Variants in ASL observed in about 807,000 individuals in gnomAD.
ASL encodes the protein argininosuccinate lyase, also known as argininosuccinase.
A neutral mutation model predicts 69.1 loss-of-function variants in ASL; 51 were observed. That is an observed-to-expected ratio of 0.74 (90% confidence interval 0.59 to 0.93). The LOEUF (loss-of-function observed/expected upper bound fraction) is 0.93, where lower values mean the gene tolerates loss of function less well. ASL is among the 40% of genes least tolerant of loss of function. ASL has a pLI of 0.00. For missense variants in ASL, 540 were observed against 623.9 expected (o/e 0.87, Z 1.43); for synonymous variants, 241 against 247.6 (o/e 0.97, Z 0.25).
Position 66,081,889 on chromosome 7 carries a change from C to T in ASL, c.99C>T (p.His33=), listed in dbSNP as rs142077823. The T allele has an allele frequency of 6.2e-7, 1 of 1,613,964 alleles. No individual in the cohort carries two copies. The highest frequency in any genetic ancestry group is 8.5e-7 in the Non-Finnish European group (1 of 1,180,024). The change falls in exon 3 of 17, where the codon CAC becomes CAT. Residue 33 remains histidine (H), a synonymous_variant. Transcript: ENST00000304874. ...KFNASIAYDR[H]LWEVDVQGSK... is the part of the protein sequence containing the mutation. ...ACGCGTCCATTGCCTACGACCGGCA[C>T]CTTTGGGAGGTGGATGTTCAAGGCA...
At chr7:66,091,133 G>A (rs1008442088) in intron 14 of ASL, among the ~76,000 whole-genome samples, 1 of 151,134 alleles carries the variant, frequency 6.6e-6, no homozygotes, top group South Asian at 2.1e-4. Context: ...AGTGTTTCTG[G>A]AGGCTAGTCC....
Position 66,089,343 on chromosome 7 carries a change from G to A in ASL, c.978+8G>A. ...TACAACAAAGACTTACAGGTGCGAG[G>A]CCGGGGGAGGCCTGGCTAGTACGTG... On this transcript the variant is annotated splice_region_variant and intron_variant, in intron 13 of 16. Coordinates refer to ENST00000304874, the MANE Select transcript of ASL (RefSeq NM_000048.4). 6.3e-7 allele frequency: 1 copy of A among 1,599,064 alleles called. No homozygotes were observed. Among genetic ancestry groups the A allele is most frequent in the Non-Finnish European group, 8.5e-7 (1 of 1,172,454 alleles).
At position 66,092,886 on chromosome 7, in the gene ASL, G is replaced by T; in HGVS notation, c.1369G>T (p.Ala457Ser). The T allele has an allele frequency of 6.2e-7, 1 of 1,610,426 alleles. No homozygotes were observed. The highest frequency in any genetic ancestry group is 8.5e-7 in the Non-Finnish European group (1 of 1,179,896). ...SVDWQIRQVR[A>S]LLQAQQA ...CGACTGGCAGATCCGCCAGGTGCGG[G>T]CGCTACTGCAGGCACAGCAGGCCTA... is the stretch of plus-strand genomic sequence containing the variant. The change falls in exon 17 of 17, where the codon GCG becomes TCG. Residue 457 changes from alanine to serine, a missense_variant. Coordinates refer to ENST00000304874, the MANE Select transcript of ASL (RefSeq NM_000048.4).
rs765381051 is a variant in ASL at position 66,087,308 on chromosome 7, G to C, written c.603-26G>C. 3 of 1,598,722 alleles carry C rather than the reference G, an allele frequency of 1.9e-6. No individual in the cohort carries two copies. In the African/African-American group the frequency reaches 4.0e-5, roughly 21 times the overall value. Reference sequence around the variant, plus strand: ...TCAGGGCTGCCTGCCAGGAGCCCTGGTCACCATGAATCCCTGTCCCTGCAG... The same window carrying C: ...TCAGGGCTGCCTGCCAGGAGCCCTGCTCACCATGAATCCCTGTCCCTGCAG... On this transcript the variant is annotated intron_variant, in intron 8 of 16. Transcript: ENST00000304874.
At position 66,085,765 on chromosome 7, in the gene ASL, C is replaced by T. The variant is rs564691047; in HGVS notation, c.447-820C>T. Among the ~76,000 whole-genome samples the T allele has an allele frequency of 1.4e-4, 21 of 152,204 alleles. No homozygotes were observed. The South Asian group carries it at 3.5e-3, about 26-fold the overall frequency. On this transcript the variant is annotated intron_variant, in intron 6 of 16. Coordinates refer to ENST00000304874, the MANE Select transcript of ASL (RefSeq NM_000048.4). ...CTGGAACTACAGGCGCCCACCACTACGCCCGGCTAATTTTTTGTATTTTTA... is the reference window on the plus strand; with the variant it reads ...CTGGAACTACAGGCGCCCACCACTATGCCCGGCTAATTTTTTGTATTTTTA...
chr7:66,086,584 G>A lies in ASL; in HGVS notation c.447-1G>A, dbSNP rs778254333. The stretch of plus-strand genomic sequence containing the variant: ...GAGCTTCTGCTCCTCCTCTCCCACA[G>A]GGAACGTGATGTTCTCTTCCCGGGG... On this transcript the variant is annotated splice_acceptor_variant, in intron 6 of 16. Coordinates refer to ENST00000304874, the MANE Select transcript of ASL (RefSeq NM_000048.4). LOFTEE classifies it high-confidence loss of function. 20 of 1,613,478 alleles carry A rather than the reference G, an allele frequency of 1.2e-5. No individual in the cohort carries two copies. Among genetic ancestry groups the A allele is most frequent in the Admixed American group, 1.7e-5 (1 of 59,986 alleles).
At chr7:66,080,592 A>T (rs983196916) in intron 2 of ASL, among the ~76,000 whole-genome samples, 2 of 150,260 alleles carry the variant, frequency 1.3e-5, no homozygotes, top group African/African-American at 2.5e-5. Flanking sequence ...GTGTGGTGGC[A>T]CACGCCTGAA....
chr7:66,092,714 G>A, intron 16 of ASL, 51 bp downstream of exon 16: 1 of 1,613,690 alleles, frequency 6.2e-7, no homozygotes, highest in Non-Finnish European at 8.5e-7. Flanking sequence ...GAGCCTGGGT[G>A]CCTGGAGCCC....
Position 66,081,864 on chromosome 7 carries a change from A to G in ASL, c.74A>G (p.Asn25Ser), listed in dbSNP as rs1048954249. 8 of 1,613,962 alleles carry G rather than the reference A, an allele frequency of 5.0e-6. No individual in the cohort carries two copies. The Admixed American group carries it at 6.7e-5, about 13-fold the overall frequency. Reference sequence around the variant, plus strand: ...GTGGACCCCATCATGGAGAAGTTCAACGCGTCCATTGCCTACGACCGGCAC... The same window carrying G: ...GTGGACCCCATCATGGAGAAGTTCAGCGCGTCCATTGCCTACGACCGGCAC... ...GAVDPIMEKF[N>S]ASIAYDRHLW... The change falls in exon 3 of 17, where the codon AAC becomes AGC. Residue 25 changes from asparagine to serine, a missense_variant. Coordinates refer to ENST00000304874, the MANE Select transcript of ASL (RefSeq NM_000048.4).
At chr7:66,089,023 A>T in intron 11 of ASL, 68 bp from the exon 12 acceptor site, 2 of 1,609,920 alleles carry the variant, frequency 1.2e-6, no homozygotes, top group South Asian at 2.2e-5. Flanking sequence ...CCTCCGCCAG[A>T]CCTGGCCATT....
rs199891488 is a variant in ASL at position 66,092,044 on chromosome 7, C to T, written c.1101C>T (p.Asp367=). The change falls in exon 15 of 17, where the codon GAC becomes GAT. Residue 367 remains aspartate (D), a synonymous_variant. Transcript: ENST00000304874. The part of the protein sequence containing the change: ...QENMGQALSP[D]MLATDLAYYL... ...ACATGGGACAGGCTCTCAGCCCCGA[C>T]ATGCTGGCCACTGACCTTGCCTATT... The T allele has an allele frequency of 6.8e-6, 11 of 1,613,538 alleles. No homozygotes were observed. In the African/African-American group the frequency reaches 9.3e-5, roughly 14 times the overall value.
chr7:66,089,750 C>T (rs1786791615), intron 14 of ASL, 55 bp downstream of exon 14: 3 of 1,584,182 alleles, frequency 1.9e-6, no homozygotes, highest in Non-Finnish European at 2.6e-6. Context: ...CTGGGGTGGG[C>T]ATGCGGGGAG....
intron 14 of ASL, 91 bp from the exon 15 acceptor site, chr7:66,091,915 G>A: frequency 7.5e-7 from 1 of 1,325,840 alleles, no homozygotes; most frequent in Admixed American, 1.7e-5. Context: ...GCCCAAGGCA[G>A]GGATGTCCTG....
At chr7:66,092,727 G>A in intron 16 of ASL, 41 bp from the exon 17 acceptor site, 1 of 1,613,678 alleles carries the variant, frequency 6.2e-7, no homozygotes, top group Non-Finnish European at 8.5e-7. Flanking sequence ...TGGAGCCCAG[G>A]GTGGCCTGGC....
chr7:66,079,172 C>T (rs1027023368), intron 2 of ASL, among the ~76,000 whole-genome samples: 1 of 152,158 alleles, frequency 6.6e-6, no homozygotes, highest in African/African-American at 2.4e-5. Context: ...CCACCTCAGC[C>T]TCCCAAAGTG....
intron 14 of ASL, 21 bp downstream of exon 14, chr7:66,089,716 T>C: frequency 1.2e-6 from 2 of 1,612,074 alleles, no homozygotes; most frequent in Non-Finnish European, 1.7e-6. Context: ...ACCCCCCTGC[T>C]TCTCCTCCCC....
rs143753787 is a variant in ASL at position 66,088,094 on chromosome 7, G to A, written c.718+303G>A. 0.015 allele frequency among the ~76,000 whole-genome samples: 2,287 copies of A among 152,160 alleles called. 63 individuals carry two copies. Among genetic ancestry groups the A allele is most frequent in the East Asian group, 0.093 (479 of 5,174 alleles). On this transcript the variant is annotated intron_variant, in intron 10 of 16. Coordinates refer to ENST00000304874, the MANE Select transcript of ASL (RefSeq NM_000048.4). ...GCCAGAGAATCACTTGAACCCAGGAGGCGGAGGCTGCAGTGAGCCAAGATC... is the reference window on the plus strand; with the variant it reads ...GCCAGAGAATCACTTGAACCCAGGAAGCGGAGGCTGCAGTGAGCCAAGATC...
At chr7:66,087,916 T>G (rs1786718545) in intron 10 of ASL, 125 bp downstream of exon 10, 1 of 1,280,426 alleles carries the variant, frequency 7.8e-7, no homozygotes, top group South Asian at 1.2e-5. Flanking sequence ...CACTGAAGTA[T>G]AAACCTTAAA....
At chr7:66,076,881 G>C (rs949234462) in intron 2 of ASL, among the ~76,000 whole-genome samples, 2 of 152,174 alleles carry the variant, frequency 1.3e-5, no homozygotes, top group Non-Finnish European at 2.9e-5. Flanking sequence ...TGGGTTCCAG[G>C]CCCTTTTGGC....
Sources: allele counts gnomAD v4.1 joint callset (sites outside exome capture counted in the v4.1 genomes callset), GRCh38; gene constraint gnomAD v4.1.1; transcripts MANE v1.5; gene names NCBI Gene and HGNC (gene_info 2026-07-23, HGNC 2026-07-21).